Variants in TMPRSS11F observed in about 807,000 individuals in gnomAD.
TMPRSS11F encodes transmembrane serine protease 11F, also known as transmembrane protease serine 11F.
A neutral mutation model predicts 60.2 loss-of-function variants in TMPRSS11F; 47 were observed. That is an observed-to-expected ratio of 0.78 (90% CI 0.62 to 1.00). The LOEUF is 1.00. Among genes scored for constraint, TMPRSS11F ranks in the 50% least tolerant of loss-of-function variants. TMPRSS11F has a pLI of 0.00. For missense variants in TMPRSS11F, 519 were observed against 522.9 expected (o/e 0.99, Z 0.07); for synonymous variants, 166 against 167.3 (o/e 0.99, Z 0.06).
rs756345672 is a variant in TMPRSS11F at position 68,098,987 on chromosome 4, C to T, written c.63G>A (p.Lys21=). ...AEFSRAEYQR[K]QQFWDSVRLA... ...GCCGTACTGAGTCCCAAAATTGCTG[C>T]TTTCTTTGATATTCAGCTCGTGAGA... The change falls in exon 2 of 10, where the codon AAG becomes AAA. Residue 21 remains lysine (K), a synonymous_variant. Transcript: ENST00000356291. 45 of 1,613,114 alleles carry T rather than the reference C, an allele frequency of 2.8e-5. No homozygotes were observed. Among genetic ancestry groups the T allele is most frequent in the Non-Finnish European group, 3.5e-5 (41 of 1,179,574 alleles).
intron 7 of TMPRSS11F, among the ~76,000 whole-genome samples, chr4:68,068,374 A>C (rs946798971): frequency 6.6e-6 from 1 of 152,076 alleles, no homozygotes; most frequent in Non-Finnish European, 1.5e-5. Context: ...ATTTTATATA[A>C]TATATAATAG....
At chr4:68,058,689 A>G (rs1723094939) in intron 9 of TMPRSS11F, among the ~76,000 whole-genome samples, 1 of 152,218 alleles carries the variant, frequency 6.6e-6, no homozygotes, top group Non-Finnish European at 1.5e-5. Flanking sequence ...GACACAAGGA[A>G]TGTACATGTA....
chr4:68,095,038 T>A (rs1724042630), intron 2 of TMPRSS11F, among the ~76,000 whole-genome samples: 1 of 152,018 alleles, frequency 6.6e-6, no homozygotes, highest in Non-Finnish European at 1.5e-5. Flanking sequence ...TTTGAATTTT[T>A]TTAGTTAGTG....
At chr4:68,117,017 C>T (rs1312600425) in intron 1 of TMPRSS11F, among the ~76,000 whole-genome samples, 1 of 152,122 alleles carries the variant, frequency 6.6e-6, no homozygotes, top group African/African-American at 2.4e-5. Flanking sequence ...AACTAAAACG[C>T]TTCTGCACAG....
chr4:68,086,615 C>A (rs13138038), intron 3 of TMPRSS11F, among the ~76,000 whole-genome samples: 1 of 151,884 alleles, frequency 6.6e-6, no homozygotes, highest in Admixed American at 6.6e-5. Context: ...ATAAACAAGA[C>A]TGATAGCTAC....
chr4:68,088,353 T>C (rs1408097369), intron 3 of TMPRSS11F, among the ~76,000 whole-genome samples: 1 of 151,048 alleles, frequency 6.6e-6, no homozygotes, highest in Non-Finnish European at 1.5e-5. Flanking sequence ...CTATCCTAAA[T>C]ATATATGCAC....
chr4:68,089,346 A>G (rs1285901420), intron 3 of TMPRSS11F, among the ~76,000 whole-genome samples: 1 of 152,180 alleles, frequency 6.6e-6, no homozygotes, highest in Non-Finnish European at 1.5e-5. Flanking sequence ...ATCTCACAAA[A>G]GGGTGCAGTC....
intron 3 of TMPRSS11F, 43 bp downstream of exon 3, chr4:68,090,480 A>G (rs1245140994): frequency 6.5e-7 from 1 of 1,542,160 alleles, no homozygotes; most frequent in Non-Finnish European, 8.7e-7. Flanking sequence ...AAAGTGATGC[A>G]AAAGACACAT....
chr4:68,122,162 C>T (rs771982667), intron 1 of TMPRSS11F, among the ~76,000 whole-genome samples: 9 of 152,008 alleles, frequency 5.9e-5, no homozygotes, highest in Non-Finnish European at 1.3e-4. Context: ...AGAATAATTA[C>T]ATTTTAACTG....
intron 2 of TMPRSS11F, among the ~76,000 whole-genome samples, chr4:68,095,962 G>A (rs1377925594): frequency 3.2e-4 from 47 of 146,390 alleles, no homozygotes; most frequent in Non-Finnish European, 1.3e-4. Flanking sequence ...ATAGTTCCTA[G>A]ACAAACTCTT....
rs1005161331 is a variant in TMPRSS11F, at chr4:68,120,586, C to T, written c.11+9224G>A. On this transcript the variant is annotated intron_variant, in intron 1 of 9. Coordinates refer to ENST00000356291, the MANE Select transcript of TMPRSS11F (RefSeq NM_207407.2). ...TGTATTTTTAGTAGAGACGGGGTTT[C>T]ACCGTTTTAGCCGGGATGGTCTCGA... Among the ~76,000 whole-genome samples, 12 of 151,822 alleles carry T rather than the reference C, an allele frequency of 7.9e-5. No homozygotes were observed. The East Asian group carries it at 2.3e-3, about 29-fold the overall frequency.
intron 1 of TMPRSS11F, among the ~76,000 whole-genome samples, chr4:68,100,549 G>A (rs1379091261): frequency 2.6e-5 from 4 of 152,062 alleles, no homozygotes; most frequent in Non-Finnish European, 5.9e-5. Context: ...TCAGCTGTGG[G>A]ACAAGAAAAG....
chr4:68,056,343 A>C (rs954295165), intron 9 of TMPRSS11F, among the ~76,000 whole-genome samples: 3 of 152,128 alleles, frequency 2.0e-5, no homozygotes, highest in Non-Finnish European at 4.4e-5. Flanking sequence ...ATACAAAATC[A>C]ATATACAAAA....
At chr4:68,099,471 A>T (rs1724144838) in intron 1 of TMPRSS11F, among the ~76,000 whole-genome samples, 1 of 152,222 alleles carries the variant, frequency 6.6e-6, no homozygotes, top group African/African-American at 2.4e-5. Context: ...TGAAATAAAA[A>T]AATGGTGAAT....
At position 68,072,232 on chromosome 4, in the gene TMPRSS11F, T is replaced by A. The variant is rs866390862; in HGVS notation, c.514+91A>T. 278 of 127,826 alleles carry A rather than the reference T, an allele frequency of 2.2e-3. 10 individuals are homozygous for A. The highest frequency in any genetic ancestry group is 7.2e-3 in the African/African-American group (252 of 35,076). 7.9% of individuals were successfully genotyped at this position (127,826 alleles called of 1,614,324 possible). A position where few individuals can be genotyped will look rare whatever the true frequency, so the allele number is the denominator to read the frequency against. Reference sequence around the variant, plus strand: ...ATATATATATCTTCCAAAAAAAAAATATATATATATATATATATTGCTTAC... The same window carrying A: ...ATATATATATCTTCCAAAAAAAAAAAATATATATATATATATATTGCTTAC... On this transcript the variant is annotated intron_variant, in intron 5 of 9. Coordinates refer to ENST00000356291, the MANE Select transcript of TMPRSS11F (RefSeq NM_207407.2).
At chr4:68,077,879 A>G (rs1049898935) in intron 3 of TMPRSS11F, among the ~76,000 whole-genome samples, 1 of 152,206 alleles carries the variant, frequency 6.6e-6, no homozygotes, top group African/African-American at 2.4e-5. Context: ...CACCTTAGGT[A>G]GTGGGCGGTG....
chr4:68,060,253 A>G (rs1322142334), intron 8 of TMPRSS11F, among the ~76,000 whole-genome samples: 1 of 151,802 alleles, frequency 6.6e-6, no homozygotes, highest in East Asian at 1.9e-4. Context: ...CACACCTGTA[A>G]TCCCAGTACT....
intron 1 of TMPRSS11F, among the ~76,000 whole-genome samples, chr4:68,123,658 G>A (rs868102646): frequency 1.3e-5 from 2 of 152,120 alleles, no homozygotes; most frequent in Non-Finnish European, 1.5e-5. Context: ...AAAGCAAGAC[G>A]ATTATGGAAA....
intron 1 of TMPRSS11F, among the ~76,000 whole-genome samples, chr4:68,113,184 G>T (rs544656429): frequency 1.2e-4 from 19 of 152,110 alleles, no homozygotes; most frequent in Non-Finnish European, 2.5e-4. Context: ...ACCATAAAGG[G>T]TGATTCTGGT....
Sources: gnomAD v4.1 joint callset for allele counts (sites outside exome capture counted in the v4.1 genomes callset) on GRCh38, gnomAD v4.1.1 for gene constraint, MANE v1.5 for transcripts, NCBI Gene and HGNC (gene_info 2026-07-23, HGNC 2026-07-21) for gene names.